The following P2RY14 variants were observed in gnomAD, a reference collection of about 807,000 sequenced individuals.
P2RY14 encodes the protein P2Y purinoceptor 14.
A neutral mutation model predicts 0.9 loss-of-function variants in P2RY14; 2 were observed. The ratio of observed to expected loss-of-function variants is 2.16; its 90% CI spans 0.88 to 6.79. P2RY14 has a LOEUF of 6.79. Ranked by LOEUF, P2RY14 falls within the 30% of genes most tolerant of loss-of-function variation. The probability of loss-of-function intolerance (pLI) is 0.05; values close to 1 mark genes in which losing one functional copy is unlikely to be tolerated. For missense variants in P2RY14, 378 were observed against 400.1 expected (o/e 0.94, Z 0.47); for synonymous variants, 158 against 147.2 (o/e 1.07, Z -0.53).
chr3:151,248,199 G>C (rs953123635), intron 1 of P2RY14, among the ~76,000 whole-genome samples: 3 of 151,790 alleles, frequency 2.0e-5, no homozygotes, highest in Non-Finnish European at 4.4e-5. Context: ...AAGAACCAAG[G>C]AAAGGAAAAT....
intron 2 of P2RY14, among the ~76,000 whole-genome samples, chr3:151,215,652 C>T (rs1728063375): frequency 6.6e-6 from 1 of 152,182 alleles, no homozygotes; most frequent in Non-Finnish European, 1.5e-5. Flanking sequence ...GAATTAAATT[C>T]AAAAGGTTAT....
intron 1 of P2RY14, among the ~76,000 whole-genome samples, chr3:151,252,088 G>A (rs1479885893): frequency 1.3e-5 from 2 of 152,024 alleles, no homozygotes; most frequent in Non-Finnish European, 2.9e-5. Context: ...CCTTTCCTAT[G>A]GGAGGTTATT....
intron 1 of P2RY14, among the ~76,000 whole-genome samples, chr3:151,253,989 A>AT (rs1356743139): frequency 8.3e-6 from 1 of 120,260 alleles, no homozygotes; most frequent in Non-Finnish European, 1.8e-5. Flanking sequence ...TTTTGTTTTG[A>AT]TTTTTTCTTG....
Position 151,213,031 on chromosome 3 carries a change from T to C in P2RY14, c.*269A>G, listed in dbSNP as rs1255294846. On this transcript the variant is annotated 3_prime_UTR_variant, in exon 3 of 3. Coordinates refer to ENST00000309170, the MANE Select transcript of P2RY14 (RefSeq NM_014879.4). ...ACTAGTGGTTATAAACTTTAACTTA[T>C]TTTAATATAATAGAATTGAATAATT... 2.4e-5 allele frequency: 5 copies of C among 204,264 alleles called. No homozygotes were observed. The highest frequency in any genetic ancestry group is 4.8e-5 in the Non-Finnish European group (5 of 103,496). 12.7% of individuals were successfully genotyped at this position (204,264 alleles called of 1,614,324 possible). A position where few individuals can be genotyped will look rare whatever the true frequency, so the allele number is the denominator to read the frequency against.
intron 1 of P2RY14, among the ~76,000 whole-genome samples, chr3:151,224,482 C>T (rs1394703365): frequency 4.6e-5 from 7 of 151,250 alleles, no homozygotes; most frequent in African/African-American, 1.5e-4. Flanking sequence ...ATCGCCTATG[C>T]GGTTTTCATA....
At chr3:151,227,134 A>G (rs1280918737) in intron 1 of P2RY14, among the ~76,000 whole-genome samples, 1 of 152,260 alleles carries the variant, frequency 6.6e-6, no homozygotes, top group Non-Finnish European at 1.5e-5. Flanking sequence ...AATCCAGGTC[A>G]GTGACCAACA....
intron 1 of P2RY14, among the ~76,000 whole-genome samples, chr3:151,272,462 A>G (rs1272623891): frequency 6.6e-6 from 1 of 152,204 alleles, no homozygotes; most frequent in Non-Finnish European, 1.5e-5. Context: ...TCTGTTCTCC[A>G]GGTGCACCAG....
chr3:151,214,229 A>G lies in P2RY14; in HGVS notation c.88T>C (p.Cys30Arg). Residue 30 changes from cysteine (C) to arginine (R), a missense_variant, in exon 3 of 3, where the codon TGT becomes CGT. Cys to Arg is a radical substitution (Grantham distance 180). Transcript: ENST00000309170. ...AGGATTCCTGCAATGAAGACCATAC[A>G]GTACAGCACAGGAATGATCTGCTGA... is the stretch of plus-strand genomic sequence containing the variant. ...ITQQIIPVLY[C>R]MVFIAGILLN... 6.2e-7 allele frequency: 1 copy of G among 1,613,940 alleles called. No homozygotes were observed. The highest frequency in any genetic ancestry group is 8.5e-7 in the Non-Finnish European group (1 of 1,179,816).
chr3:151,217,953 A>G (rs1200690948), intron 2 of P2RY14, among the ~76,000 whole-genome samples: 3 of 152,140 alleles, frequency 2.0e-5, no homozygotes, highest in Non-Finnish European at 4.4e-5. Flanking sequence ...ATATATTGAG[A>G]CCAAAAGGCA....
intron 1 of P2RY14, among the ~76,000 whole-genome samples, chr3:151,237,584 C>T (rs1377313788): frequency 1.3e-5 from 2 of 151,392 alleles, no homozygotes; most frequent in Non-Finnish European, 2.9e-5. Context: ...CTCCTGACCT[C>T]AGGTGATCTG....
In P2RY14 at chr3:151,213,393, C is replaced by T; in HGVS notation, c.924G>A (p.Lys308=). 1.9e-6 allele frequency: 3 copies of T among 1,613,988 alleles called. No homozygotes were observed. Among genetic ancestry groups the T allele is most frequent in the Non-Finnish European group, 2.5e-6 (3 of 1,179,892 alleles). The change falls in exon 3 of 3, where the codon AAG becomes AAA. Residue 308 remains lysine, a synonymous_variant. Coordinates refer to ENST00000309170, the MANE Select transcript of P2RY14 (RefSeq NM_014879.4). ...GAGCTTTTAATGGAATGTGCAATTTCTTACATAAGATTTCCCTAAACGGCT... is the reference window on the plus strand; with the variant it reads ...GAGCTTTTAATGGAATGTGCAATTTTTTACATAAGATTTCCCTAAACGGCT... ...LCQPFREILC[K]KLHIPLKAQN...
At chr3:151,264,508 C>G (rs567578875) in intron 1 of P2RY14, among the ~76,000 whole-genome samples, 1 of 152,206 alleles carries the variant, frequency 6.6e-6, no homozygotes, top group African/African-American at 2.4e-5. Context: ...TTGTGTAAAG[C>G]GCACATCTCT....
At chr3:151,220,010 TG>T (rs1382544876) in intron 1 of P2RY14, among the ~76,000 whole-genome samples, 4 of 151,138 alleles carry the variant, frequency 2.6e-5, no homozygotes, top group Admixed American at 2.6e-4. Flanking sequence ...TTAATTGTTT[TG>T]TTTTTTAAAA....
intron 1 of P2RY14, chr3:151,269,792 A>G: frequency 2.4e-6 from 1 of 420,368 alleles, no homozygotes; most frequent in Non-Finnish European, 4.7e-6. Flanking sequence ...ACTGAAGTCA[A>G]ATGCAAATCT....
chr3:151,257,342 G>T (rs1738005406), intron 1 of P2RY14, among the ~76,000 whole-genome samples: 1 of 152,194 alleles, frequency 6.6e-6, no homozygotes, highest in Non-Finnish European at 1.5e-5. Context: ...TTGACCTGTA[G>T]TCCTGTTTTT....
intron 2 of P2RY14, among the ~76,000 whole-genome samples, chr3:151,216,808 TTTTAGCTG>T (rs1444227925): frequency 3.3e-5 from 5 of 152,202 alleles, no homozygotes; most frequent in African/African-American, 1.2e-4. Flanking sequence ...CATTTTCCAT[TTTTAGCTG>T]TCTACTGTGA....
At chr3:151,229,607 T>C (rs1731232912) in intron 1 of P2RY14, among the ~76,000 whole-genome samples, 1 of 151,568 alleles carries the variant, frequency 6.6e-6, no homozygotes. Flanking sequence ...GCCTCCCTAG[T>C]AGCTGGGACT....
At chr3:151,238,473 C>T (rs552444682) in intron 1 of P2RY14, among the ~76,000 whole-genome samples, 4 of 152,206 alleles carry the variant, frequency 2.6e-5, no homozygotes, top group Non-Finnish European at 5.9e-5. Context: ...AAAATGTGGT[C>T]TGCAGAACCA....
chr3:151,262,994 C>T (rs987306467), intron 1 of P2RY14, among the ~76,000 whole-genome samples: 2 of 152,056 alleles, frequency 1.3e-5, no homozygotes, highest in African/African-American at 4.8e-5. Flanking sequence ...TTAACATGTA[C>T]CCTCTGCTGG....
Sources: allele counts gnomAD v4.1 joint callset (sites outside exome capture counted in the v4.1 genomes callset), GRCh38; gene constraint gnomAD v4.1.1; transcripts MANE v1.5; gene names NCBI Gene and HGNC (gene_info 2026-07-23, HGNC 2026-07-21).